The following NKAIN2 variants were observed in gnomAD, a reference collection of about 807,000 sequenced individuals.
NKAIN2 encodes the protein sodium/potassium-transporting ATPase subunit beta-1-interacting protein 2.
In NKAIN2, 14 loss-of-function variants were observed where a neutral mutation model predicts 32.6. The ratio of observed to expected loss-of-function variants is 0.43; its 90% confidence interval spans 0.28 to 0.67. The LOEUF is 0.67. Among genes scored for constraint, NKAIN2 ranks in the 30% least tolerant of loss-of-function variants. The probability of loss-of-function intolerance (pLI) is 0.17; values close to 1 mark genes in which losing one functional copy is unlikely to be tolerated. For synonymous variants in NKAIN2, 80 were observed against 87.2 expected, an observed-to-expected ratio of 0.92 and a Z score of 0.46; for missense variants, 198 against 258.3, an observed-to-expected ratio of 0.77 and a Z score of 1.60.
At chr6:124,434,912 T>C (rs977014240) in intron 3 of NKAIN2, among the ~76,000 whole-genome samples, 5 of 152,202 alleles carry the variant, frequency 3.3e-5, no homozygotes, top group Non-Finnish European at 7.3e-5. Flanking sequence ...ATACAAATTT[T>C]GAGTTTTAAC....
intron 1 of NKAIN2, among the ~76,000 whole-genome samples, chr6:124,054,294 GA>G (rs1782546685): frequency 6.6e-6 from 1 of 152,048 alleles, no homozygotes. Flanking sequence ...CACTGATAGA[GA>G]AAGCCTGACA....
rs1421062063 is a variant in NKAIN2, at chr6:124,534,837, T to C, written c.274-123349T>C. Among the ~76,000 whole-genome samples, 3 of 152,226 alleles carry C rather than the reference T, an allele frequency of 2.0e-5. No homozygotes were observed. The East Asian group carries it at 5.8e-4, about 29-fold the overall frequency. The stretch of plus-strand genomic sequence containing the variant: ...ATAAGGTCTGTTTTTAAATTTTTTT[T>C]TCTAAGACTTTACATGTACAGTTGT... On this transcript the variant is annotated intron_variant, in intron 3 of 6. Transcript: ENST00000368417.
intron 4 of NKAIN2, among the ~76,000 whole-genome samples, chr6:124,781,355 AT>A (rs534204203): frequency 2.6e-4 from 40 of 152,228 alleles, no homozygotes; most frequent in Non-Finnish European, 5.3e-4. Flanking sequence ...TTTGGAAAGA[AT>A]GGATAGCAGA....
At chr6:124,561,713 T>A (rs1322963829) in intron 3 of NKAIN2, among the ~76,000 whole-genome samples, 1 of 152,206 alleles carries the variant, frequency 6.6e-6, no homozygotes, top group Non-Finnish European at 1.5e-5. Context: ...TTCCATTGCA[T>A]TACTTTAATG....
chr6:124,494,676 A>T (rs1322452688), intron 3 of NKAIN2, among the ~76,000 whole-genome samples: 3 of 152,176 alleles, frequency 2.0e-5, no homozygotes, highest in African/African-American at 7.2e-5. Context: ...TTAATTTTAA[A>T]TTGAACTCCT....
intron 1 of NKAIN2, among the ~76,000 whole-genome samples, chr6:123,953,424 C>A (rs748035110): frequency 6.6e-6 from 1 of 152,164 alleles, no homozygotes; most frequent in Non-Finnish European, 1.5e-5. Flanking sequence ...TTTCAGGCCC[C>A]TGGGCAGTAG....
At chr6:124,653,148 C>A (rs1332332679) in intron 3 of NKAIN2, among the ~76,000 whole-genome samples, 2 of 152,078 alleles carry the variant, frequency 1.3e-5, no homozygotes, top group African/African-American at 4.8e-5. Flanking sequence ...CAAACTGATT[C>A]TAAAGTATAT....
intron 1 of NKAIN2, among the ~76,000 whole-genome samples, chr6:124,090,015 TC>T (rs1333937773): frequency 1.3e-5 from 2 of 151,950 alleles, no homozygotes; most frequent in Admixed American, 1.3e-4. Flanking sequence ...CACACCAGTA[TC>T]CTTGTTTTCC....
intron 1 of NKAIN2, among the ~76,000 whole-genome samples, chr6:124,210,648 G>C (rs1791124823): frequency 6.6e-6 from 1 of 151,318 alleles, no homozygotes; most frequent in South Asian, 2.1e-4. Context: ...TTACTACTTT[G>C]GTTAAGTTTA....
chr6:124,307,030 T>C (rs1445280560), intron 2 of NKAIN2, among the ~76,000 whole-genome samples: 1 of 152,128 alleles, frequency 6.6e-6, no homozygotes, highest in African/African-American at 2.4e-5. Flanking sequence ...TGCCTATTCT[T>C]ATGTTAAATG....
At chr6:124,056,822 G>A (rs562015303) in intron 1 of NKAIN2, among the ~76,000 whole-genome samples, 1 of 152,042 alleles carries the variant, frequency 6.6e-6, no homozygotes, top group Admixed American at 6.6e-5. Context: ...TACTCTTCAT[G>A]GAGCCAGCTT....
At chr6:124,053,945 T>C (rs192462216) in intron 1 of NKAIN2, among the ~76,000 whole-genome samples, 51 of 152,094 alleles carry the variant, frequency 3.4e-4, no homozygotes, top group African/African-American at 8.7e-4. Flanking sequence ...TTTAAAACTA[T>C]TGGAAGATGG....
intron 1 of NKAIN2, among the ~76,000 whole-genome samples, chr6:124,246,678 A>G (rs1475650452): frequency 2.6e-5 from 4 of 151,946 alleles, no homozygotes; most frequent in Admixed American, 1.3e-4. Context: ...ACCACAACCT[A>G]TTGGGAGATG....
intron 4 of NKAIN2, among the ~76,000 whole-genome samples, chr6:124,685,287 A>G (rs140353821): frequency 1.3e-5 from 2 of 152,328 alleles, no homozygotes; most frequent in Non-Finnish European, 2.9e-5. Flanking sequence ...GAAAAGGTGA[A>G]CAATTCTACT....
chr6:124,533,826 G>A lies in NKAIN2; in HGVS notation c.274-124360G>A, dbSNP rs569088335. ...TGAGAAGTCCAACATGAAAGTCCCCGCAGATCTGGTCTAGTGAAGGGCCTA... is the reference window on the plus strand; with the variant it reads ...TGAGAAGTCCAACATGAAAGTCCCCACAGATCTGGTCTAGTGAAGGGCCTA... On this transcript the variant is annotated intron_variant, in intron 3 of 6. Transcript: ENST00000368417. Among the ~76,000 whole-genome samples the A allele has an allele frequency of 6.6e-5, 10 of 152,170 alleles. No individual in the cohort carries two copies. In the East Asian group the frequency reaches 1.2e-3, roughly 18 times the overall value.
chr6:124,648,550 G>T (rs1223006028), intron 3 of NKAIN2, among the ~76,000 whole-genome samples: 2 of 152,160 alleles, frequency 1.3e-5, no homozygotes, highest in African/African-American at 4.8e-5. Flanking sequence ...GGTTCAACAT[G>T]CAAGAGAACT....
intron 1 of NKAIN2, among the ~76,000 whole-genome samples, chr6:124,118,267 A>G (rs1016057103): frequency 6.6e-5 from 10 of 152,192 alleles, no homozygotes; most frequent in African/African-American, 2.4e-4. Context: ...CACACATTGC[A>G]ATAACATAAA....
At chr6:124,736,690 T>A (rs1268663680) in intron 4 of NKAIN2, among the ~76,000 whole-genome samples, 2 of 151,988 alleles carry the variant, frequency 1.3e-5, no homozygotes, top group Non-Finnish European at 2.9e-5. Flanking sequence ...CACATCTGTT[T>A]ACAGCACAGT....
intron 4 of NKAIN2, among the ~76,000 whole-genome samples, chr6:124,762,286 G>C (rs1338083600): frequency 6.6e-6 from 1 of 151,864 alleles, no homozygotes; most frequent in Non-Finnish European, 1.5e-5. Flanking sequence ...GTGTCTTTTT[G>C]TTCATCCAAA....
Sources: allele counts gnomAD v4.1 joint callset (sites outside exome capture counted in the v4.1 genomes callset), GRCh38; gene constraint gnomAD v4.1.1; transcripts MANE v1.5; gene names NCBI Gene and HGNC (gene_info 2026-07-23, HGNC 2026-07-21).